COMMD10: variants seen among roughly 807,000 people sequenced by gnomAD.
The protein encoded by COMMD10 is COMM domain-containing protein 10.
Under a neutral mutation model 28.9 loss-of-function variants are expected in COMMD10, and 33 were observed. The ratio of observed to expected loss-of-function variants is 1.14; its 90% CI spans 0.87 to 1.53. The LOEUF (loss-of-function observed/expected upper bound fraction) is 1.53. Ranked by LOEUF, COMMD10 falls within the 40% of genes most tolerant of loss-of-function variation. The pLI, the probability that COMMD10 is intolerant of heterozygous loss-of-function variation, is 0.00. For synonymous variants in COMMD10, 110 were observed against 81.7 expected, an observed-to-expected ratio of 1.35 and a Z score of -1.87; for missense variants, 310 against 233.4, an observed-to-expected ratio of 1.33 and a Z score of -2.14.
At chr5:116,141,668 C>T (rs547677186) in intron 5 of COMMD10, among the ~76,000 whole-genome samples, 8 of 151,790 alleles carry the variant, frequency 5.3e-5, no homozygotes, top group African/African-American at 1.9e-4. Flanking sequence ...GCTCTCCTAG[C>T]AATGGTATAG....
At chr5:116,271,897 C>T (rs944632408) in intron 5 of COMMD10, among the ~76,000 whole-genome samples, 26 of 151,704 alleles carry the variant, frequency 1.7e-4, no homozygotes, top group South Asian at 4.1e-4. Flanking sequence ...GTTATCTTTT[C>T]GTAACCACCA....
intron 5 of COMMD10, among the ~76,000 whole-genome samples, chr5:116,193,071 A>G (rs1274449194): frequency 6.6e-6 from 1 of 152,228 alleles, no homozygotes; most frequent in Non-Finnish European, 1.5e-5. Context: ...TAAGCATCAT[A>G]TATAAAGGAA....
chr5:116,199,336 A>T (rs1296039183), intron 5 of COMMD10, among the ~76,000 whole-genome samples: 15 of 152,054 alleles, frequency 9.9e-5, no homozygotes, highest in African/African-American at 2.4e-5. Flanking sequence ...AGAGTTCTTC[A>T]TATATTTTGG....
At chr5:116,219,999 G>C (rs1749204970) in intron 5 of COMMD10, among the ~76,000 whole-genome samples, 1 of 151,964 alleles carries the variant, frequency 6.6e-6, no homozygotes, top group Admixed American at 6.6e-5. Context: ...TGTCAGGTTT[G>C]GGTCATAAGG....
At chr5:116,162,014 C>A (rs1318480484) in intron 5 of COMMD10, among the ~76,000 whole-genome samples, 4 of 152,060 alleles carry the variant, frequency 2.6e-5, no homozygotes, top group Non-Finnish European at 4.4e-5. Context: ...AATTTTCATC[C>A]CATTTAAATT....
intron 5 of COMMD10, among the ~76,000 whole-genome samples, chr5:116,175,256 A>G (rs11952310): frequency 0.31 from 47,076 of 151,068 alleles, 10,199 homozygotes; most frequent in African/African-American, 0.62. Context: ...TCTTAAGGGC[A>G]GTGGCTTTAA....
In COMMD10 at chr5:116,229,155, A is replaced by C. The variant is rs149522693; in HGVS notation, c.511-62362A>C. Among the ~76,000 whole-genome samples, 879 of 152,030 alleles carry C rather than the reference A, an allele frequency of 5.8e-3. 9 individuals carry two copies. Among genetic ancestry groups the C allele is most frequent in the Non-Finnish European group, 8.8e-3 (600 of 67,874 alleles). Reference sequence around the variant, plus strand: ...ATTATTTTTTATTATTTCCCTTTGCACTATTTTTAATCCTACTCATAGAAT... The same window carrying C: ...ATTATTTTTTATTATTTCCCTTTGCCCTATTTTTAATCCTACTCATAGAAT... On this transcript the variant is annotated intron_variant, in intron 5 of 6. Coordinates refer to ENST00000274458, the MANE Select transcript of COMMD10 (RefSeq NM_016144.4).
intron 5 of COMMD10, among the ~76,000 whole-genome samples, chr5:116,197,161 T>G (rs1401446724): frequency 6.6e-6 from 1 of 152,176 alleles, no homozygotes; most frequent in East Asian, 1.9e-4. Flanking sequence ...TAGCCTACAT[T>G]ACAATCATAG....
intron 4 of COMMD10, among the ~76,000 whole-genome samples, chr5:116,096,515 G>A (rs1054194062): frequency 2.0e-5 from 3 of 151,916 alleles, no homozygotes; most frequent in African/African-American, 7.2e-5. Flanking sequence ...TCCTTTGAAG[G>A]CAGTCACGTT....
intron 4 of COMMD10, among the ~76,000 whole-genome samples, chr5:116,120,300 G>A (rs1338186961): frequency 6.6e-6 from 1 of 152,106 alleles, no homozygotes; most frequent in Non-Finnish European, 1.5e-5. Context: ...GCTAAGCTAT[G>A]AGGTTGTGGT....
intron 4 of COMMD10, among the ~76,000 whole-genome samples, chr5:116,104,186 A>C (rs1171022359): frequency 6.6e-6 from 1 of 152,174 alleles, no homozygotes; most frequent in Non-Finnish European, 1.5e-5. Flanking sequence ...CTGTGAGGAA[A>C]GTCAATGGTA....
chr5:116,272,928 CTG>C (rs1750798712), intron 5 of COMMD10, among the ~76,000 whole-genome samples: 1 of 151,856 alleles, frequency 6.6e-6, no homozygotes, highest in Non-Finnish European at 1.5e-5. Context: ...TGGTCTGTCA[CTG>C]TGGGCTTCAT....
intron 5 of COMMD10, among the ~76,000 whole-genome samples, chr5:116,196,354 G>A (rs1748520952): frequency 6.6e-6 from 1 of 152,136 alleles, no homozygotes; most frequent in Non-Finnish European, 1.5e-5. Flanking sequence ...GGTGAAGAGA[G>A]GGAGGGGGTG....
chr5:116,180,914 A>G (rs1747935008), intron 5 of COMMD10, among the ~76,000 whole-genome samples: 1 of 152,116 alleles, frequency 6.6e-6, no homozygotes, highest in Admixed American at 6.6e-5. Flanking sequence ...GCACTTTGGG[A>G]GGCTGAGGCG....
intron 5 of COMMD10, among the ~76,000 whole-genome samples, chr5:116,179,920 A>G (rs999782888): frequency 1.3e-5 from 2 of 152,092 alleles, no homozygotes; most frequent in Non-Finnish European, 2.9e-5. Context: ...TTCTATAGAA[A>G]ATAAAGGTAA....
In COMMD10 at chr5:116,171,512, TAAAG is replaced by T. The variant is rs552658500; in HGVS notation, c.510+37336_510+37339del. Among the ~76,000 whole-genome samples, 1,072 of 152,188 alleles carry T rather than the reference TAAAG, an allele frequency of 7.0e-3. 14 individuals are homozygous for T. Among genetic ancestry groups the T allele is most frequent in the African/African-American group, 0.025 (1,020 of 41,496 alleles). On this transcript the variant is annotated intron_variant, in intron 5 of 6. Transcript: ENST00000274458. Reference sequence around the variant, plus strand: ...CAGATGATTATAAATCATTCTACTATAAAGACACATGCACGTGTATGTTTATTGC... The same window carrying T: ...CAGATGATTATAAATCATTCTACTATACACATGCACGTGTATGTTTATTGC...
chr5:116,137,413 A>G (rs1321406683), intron 5 of COMMD10, among the ~76,000 whole-genome samples: 5 of 152,084 alleles, frequency 3.3e-5, no homozygotes, highest in Non-Finnish European at 5.9e-5. Flanking sequence ...GATATAAAGT[A>G]TCTTAAAGTA....
chr5:116,292,419 A>C (rs1488248681), intron 6 of COMMD10, 32 bp from the exon 7 acceptor site: 2 of 1,409,718 alleles, frequency 1.4e-6, no homozygotes, highest in Non-Finnish European at 1.9e-6. Flanking sequence ...CCCTTCACTA[A>C]CGTCTTTTTT....
chr5:116,235,300 C>T (rs1434820966), intron 5 of COMMD10, among the ~76,000 whole-genome samples: 3 of 152,172 alleles, frequency 2.0e-5, no homozygotes, highest in Non-Finnish European at 2.9e-5. Flanking sequence ...ATTATAAAAG[C>T]TGTAATTCCC....
Sources: gnomAD v4.1 joint callset for allele counts (sites outside exome capture counted in the v4.1 genomes callset) on GRCh38, gnomAD v4.1.1 for gene constraint, MANE v1.5 for transcripts, NCBI Gene and HGNC (gene_info 2026-07-23, HGNC 2026-07-21) for gene names.